Variants in RIMBP2 observed in about 807,000 individuals in gnomAD.
The protein encoded by RIMBP2 is RIMS binding protein 2, also known as RIMS-binding protein 2.
RIMBP2 carries 48 observed loss-of-function variants against 118.6 expected under a neutral mutation model. The ratio of observed to expected loss-of-function variants is 0.40; its 90% CI spans 0.32 to 0.51. RIMBP2 has a LOEUF of 0.51. Ranked by LOEUF, RIMBP2 falls within the 20% of genes least tolerant of loss-of-function variation. The probability of loss-of-function intolerance (pLI) is 0.41; values close to 1 mark genes in which losing one functional copy is unlikely to be tolerated. For missense variants in RIMBP2, 1,551 were observed against 1,768.3 expected (o/e 0.88, Z 2.20); for synonymous variants, 762 against 742.9 (o/e 1.03, Z -0.42).
intron 2 of RIMBP2, among the ~76,000 whole-genome samples, chr12:130,535,618 GCT>G (rs1011800198): frequency 1.7e-4 from 26 of 150,514 alleles, no homozygotes; most frequent in Middle Eastern, 3.5e-3. Context: ...GTAAAACACA[GCT>G]CTCTCTATAT....
At chr12:130,584,531 A>G (rs1223763581) in intron 2 of RIMBP2, among the ~76,000 whole-genome samples, 2 of 147,454 alleles carry the variant, frequency 1.4e-5, no homozygotes, top group Non-Finnish European at 3.0e-5. Flanking sequence ...TCACCTCATC[A>G]CCACCATCAC....
chr12:130,533,040 G>C (rs1379100941), intron 2 of RIMBP2, among the ~76,000 whole-genome samples: 2 of 134,352 alleles, frequency 1.5e-5, no homozygotes, highest in African/African-American at 5.0e-5. Flanking sequence ...CGTGTGTGTA[G>C]CCTCTAGGAG....
At chr12:130,588,512 T>C (rs2059060271) in intron 2 of RIMBP2, among the ~76,000 whole-genome samples, 1 of 152,180 alleles carries the variant, frequency 6.6e-6, no homozygotes, top group African/African-American at 2.4e-5. Flanking sequence ...TCCCGGTCAC[T>C]GCGAGTCACC....
intron 2 of RIMBP2, among the ~76,000 whole-genome samples, chr12:130,627,678 G>A (rs1040925322): frequency 1.3e-5 from 2 of 151,968 alleles, no homozygotes; most frequent in Non-Finnish European, 2.9e-5. Context: ...TGCAGCCCAC[G>A]CCAAAAATAT....
intron 1 of RIMBP2, among the ~76,000 whole-genome samples, chr12:130,634,288 T>G (rs2895138): frequency 0.98 from 148,791 of 152,262 alleles, 72,791 homozygotes; most frequent in East Asian, 1. Context: ...TACATGGAAA[T>G]AGAGGAGACA....
At chr12:130,568,885 T>C (rs1593836042) in intron 2 of RIMBP2, among the ~76,000 whole-genome samples, 1 of 152,104 alleles carries the variant, frequency 6.6e-6, no homozygotes, top group Non-Finnish European at 1.5e-5. Context: ...CATTATCCAA[T>C]GGAAAAAAAC....
At chr12:130,601,946 A>T (rs2059903758) in intron 2 of RIMBP2, among the ~76,000 whole-genome samples, 1 of 152,218 alleles carries the variant, frequency 6.6e-6, no homozygotes, top group Non-Finnish European at 1.5e-5. Context: ...ACAGCTCCTT[A>T]TCACACCCCC....
At chr12:130,532,025 G>T (rs79171445) in intron 2 of RIMBP2, among the ~76,000 whole-genome samples, 15 of 57,920 alleles carry the variant, frequency 2.6e-4, no homozygotes, top group African/African-American at 9.7e-4. Context: ...CCTCTAGGAG[G>T]GACGTCTAAT....
At chr12:130,416,264 C>T (rs145655982) in intron 17 of RIMBP2, among the ~76,000 whole-genome samples, 1,542 of 152,178 alleles carry the variant, frequency 0.01, 25 homozygotes, top group African/African-American at 0.036. Context: ...CCCAAATAGC[C>T]GAAGTGGTCT....
chr12:130,514,885 C>CT (rs36058610), intron 3 of RIMBP2, among the ~76,000 whole-genome samples: 24,895 of 150,928 alleles, frequency 0.16, 2,327 homozygotes, highest in Middle Eastern at 0.26. Context: ...TATTAAGACA[C>CT]TTTTTTTTTG....
At chr12:130,625,277 G>A (rs968963249) in intron 2 of RIMBP2, among the ~76,000 whole-genome samples, 4 of 152,198 alleles carry the variant, frequency 2.6e-5, no homozygotes, top group African/African-American at 9.6e-5. Flanking sequence ...ACTCAGATCT[G>A]TGAATAAGCA....
rs188530104 is a variant in RIMBP2, at chr12:130,517,840, C to T, written c.-139G>A. The T allele has an allele frequency of 2.0e-6, 2 of 985,438 alleles. No homozygotes were observed. The highest frequency in any genetic ancestry group is 1.2e-4 in the Admixed American group (2 of 16,286). 61.0% of individuals were successfully genotyped at this position (985,438 alleles called of 1,614,324 possible). ...TGGTATCAGCTACCTTGTCATGCTG[C>T]CGGGCCCTTGTGGGAAGGCCTGCAT... On this transcript the variant is annotated 5_prime_UTR_variant, in exon 3 of 23. Transcript: ENST00000690449.
At position 130,436,896 on chromosome 12, in the gene RIMBP2, G is replaced by A. The variant is rs1444293536; in HGVS notation, c.2052C>T (p.Thr684=). The A allele has an allele frequency of 3.1e-6, 5 of 1,591,208 alleles. No individual in the cohort carries two copies. The highest frequency in any genetic ancestry group is 2.3e-5 in the South Asian group (2 of 87,994). The change falls in exon 13 of 23, where the codon ACC becomes ACT. Residue 684 remains threonine (T), a synonymous_variant. Coordinates refer to ENST00000690449, the MANE Select transcript of RIMBP2 (RefSeq NM_001393629.1). ...PQPQGTPVST[T]VAKAMAREAA... The stretch of plus-strand genomic sequence containing the variant: ...CCTCCCGGGCCATGGCCTTGGCGAC[G>A]GTGGTGGACACCGGGGTGCCCTGTG...
intron 2 of RIMBP2, among the ~76,000 whole-genome samples, chr12:130,550,374 C>T (rs2055637331): frequency 6.6e-6 from 1 of 152,192 alleles, no homozygotes; most frequent in African/African-American, 2.4e-5. Context: ...AGCCCAGGAA[C>T]ATTTTTATTT....
chr12:130,459,327 C>G (rs1466698327), intron 6 of RIMBP2, among the ~76,000 whole-genome samples: 1 of 151,524 alleles, frequency 6.6e-6, no homozygotes, highest in East Asian at 1.9e-4. Flanking sequence ...CTCGAGAAAG[C>G]AAGTAAATTC....
chr12:130,485,493 A>G (rs745940023), intron 4 of RIMBP2, among the ~76,000 whole-genome samples: 3 of 152,266 alleles, frequency 2.0e-5, no homozygotes, highest in Non-Finnish European at 4.4e-5. Flanking sequence ...AGGGCAGAGA[A>G]GCAGCTTTCG....
intron 1 of RIMBP2, among the ~76,000 whole-genome samples, chr12:130,679,256 C>T (rs2064654133): frequency 6.6e-6 from 1 of 152,302 alleles, no homozygotes; most frequent in South Asian, 2.1e-4. Flanking sequence ...AGCTGGGATT[C>T]CAGTTCGCTG....
At chr12:130,516,146 ATCC>A (rs1391291975) in intron 3 of RIMBP2, among the ~76,000 whole-genome samples, 1 of 152,212 alleles carries the variant, frequency 6.6e-6, no homozygotes, top group African/African-American at 2.4e-5. Context: ...GTTTCCCTAC[ATCC>A]TCATCAACAC....
At chr12:130,483,539 GC>G (rs1161548134) in intron 4 of RIMBP2, among the ~76,000 whole-genome samples, 1 of 152,136 alleles carries the variant, frequency 6.6e-6, no homozygotes, top group African/African-American at 2.4e-5. Context: ...GGCCAAGGAA[GC>G]CCCCCACCAA....
Sources: allele counts gnomAD v4.1 joint callset (sites outside exome capture counted in the v4.1 genomes callset), GRCh38; gene constraint gnomAD v4.1.1; transcripts MANE v1.5; gene names NCBI Gene and HGNC (gene_info 2026-07-23, HGNC 2026-07-21).